The following GATA5 variants were observed in gnomAD, a reference collection of about 807,000 sequenced individuals.
The protein encoded by GATA5 is GATA binding protein 5, also known as transcription factor GATA-5.
Under a neutral mutation model 35.0 loss-of-function variants are expected in GATA5, and 27 were observed. The ratio of observed to expected loss-of-function variants is 0.77; its 90% CI spans 0.57 to 1.06. The LOEUF (loss-of-function observed/expected upper bound fraction) is 1.06, where lower values mean the gene tolerates loss of function less well. Ranked by LOEUF, GATA5 falls within the 50% of genes least tolerant of loss-of-function variation. The pLI, the probability that GATA5 is intolerant of heterozygous loss-of-function variation, is 0.00. For synonymous variants in GATA5, 306 were observed against 267.8 expected (o/e 1.14, Z -1.39); for missense variants, 612 against 580.0 (o/e 1.06, Z -0.57).
In GATA5 at chr20:62,465,476, G is replaced by A. The variant is rs782288238; in HGVS notation, c.914-12C>T. The A allele has an allele frequency of 6.9e-6, 11 of 1,604,156 alleles. No individual in the cohort carries two copies. In the Admixed American group the frequency reaches 1.8e-4, roughly 27 times the overall value. On this transcript the variant is annotated splice_polypyrimidine_tract_variant and intron_variant, in intron 5 of 6. Coordinates refer to ENST00000252997, the MANE Select transcript of GATA5 (RefSeq NM_080473.5). ...ATTCCTTGTGGATCCTGGAAGCGAAGAGGGGGTGTTTACAGAGGGGTCAGG... is the reference window on the plus strand; with the variant it reads ...ATTCCTTGTGGATCCTGGAAGCGAAAAGGGGGTGTTTACAGAGGGGTCAGG...
In GATA5 at chr20:62,463,844, T is replaced by TCCCTGTGGCTGCCTGCCCCGCTCGTCC. The variant is rs1569042809; in HGVS notation, c.*991_*992insGGACGAGCGGGGCAGGCAGCCACAGGG. The TCCCTGTGGCTGCCTGCCCCGCTCGTCC allele has an allele frequency of 6.6e-6, 1 of 152,118 alleles. No individual in the cohort carries two copies. The highest frequency in any genetic ancestry group is 1.5e-5 in the Non-Finnish European group (1 of 68,096). The allele number at this position is 152,118 out of a possible 1,614,324, so 9.4% of individuals were successfully genotyped here. A position where few individuals can be genotyped will look rare whatever the true frequency, so the allele number is the denominator to read the frequency against. Reference sequence around the variant, plus strand: ...CCTGTGGCTGCCTGCCCCGCTCCTCTGCTCCCTGTGGCCTCCTGACATACA... The same window carrying TCCCTGTGGCTGCCTGCCCCGCTCGTCC: ...CCTGTGGCTGCCTGCCCCGCTCCTCTCCCTGTGGCTGCCTGCCCCGCTCGTCCGCTCCCTGTGGCCTCCTGACATACA... On this transcript the variant is annotated 3_prime_UTR_variant, in exon 7 of 7. Coordinates refer to ENST00000252997, the MANE Select transcript of GATA5 (RefSeq NM_080473.5).
At chr20:62,474,873 T>TG (rs1182291208) in intron 2 of GATA5, 126 bp downstream of exon 2, 1 of 767,362 alleles carries the variant, frequency 1.3e-6, no homozygotes, top group Non-Finnish European at 1.8e-6. Flanking sequence ...CCGGGGCTGC[T>TG]GGTGTCGCTC....
At position 62,464,814 on chromosome 20, in the gene GATA5, T is replaced by A. The variant is rs199614743; in HGVS notation, c.*22A>T. On this transcript the variant is annotated 3_prime_UTR_variant, in exon 7 of 7. Coordinates refer to ENST00000252997, the MANE Select transcript of GATA5 (RefSeq NM_080473.5). ...GGTGGTCTGTTCCAGGCTGTTCCCC[T>A]GACATGGGCTGGCCTGGGGACCTAG... The A allele has an allele frequency of 5.8e-6, 9 of 1,564,526 alleles. No individual in the cohort carries two copies. Among genetic ancestry groups the A allele is most frequent in the Non-Finnish European group, 7.8e-6 (9 of 1,153,934 alleles).
chr20:62,466,415 A>G lies in GATA5; in HGVS notation c.825+11T>C. The stretch of plus-strand genomic sequence containing the variant: ...GAGGCCTCCCCGCCCTGCCCCGGGG[A>G]CCACACTCACCCCGTGCAGCTTCAT... On this transcript the variant is annotated intron_variant, in intron 4 of 6. Transcript: ENST00000252997. The G allele has an allele frequency of 2.5e-6, 4 of 1,576,638 alleles. No individual in the cohort carries two copies. The highest frequency in any genetic ancestry group is 3.4e-6 in the Non-Finnish European group (4 of 1,161,672).
chr20:62,472,536 G>A (rs1486214330), intron 3 of GATA5, among the ~76,000 whole-genome samples: 1 of 152,248 alleles, frequency 6.6e-6, no homozygotes, highest in Non-Finnish European at 1.5e-5. Flanking sequence ...AGCGGAGGAG[G>A]ACTTGGTGCC....
chr20:62,472,400 C>T (rs557486711), intron 3 of GATA5, among the ~76,000 whole-genome samples: 191 of 152,296 alleles, frequency 1.3e-3, no homozygotes, highest in African/African-American at 4.3e-3. Context: ...AGAGCTGCAC[C>T]GGCATAGCAC....
intron 4 of GATA5, 64 bp downstream of exon 4, chr20:62,466,362 C>A: frequency 1.3e-6 from 2 of 1,492,454 alleles, no homozygotes; most frequent in Non-Finnish European, 1.8e-6. Flanking sequence ...TCTGAGAGTG[C>A]GGACGGCGCT....
Position 62,475,444 on chromosome 20 carries a change from C to G in GATA5, c.78G>C (p.Pro26=), listed in dbSNP as rs782320503. 1 of 1,355,006 alleles carries G rather than the reference C, an allele frequency of 7.4e-7. No individual in the cohort carries two copies. Among genetic ancestry groups the G allele is most frequent in the South Asian group, 2.0e-5 (1 of 51,234 alleles). The allele number at this position is 1,355,006 out of a possible 1,614,324, so 83.9% of individuals were successfully genotyped here. A position where few individuals can be genotyped will look rare whatever the true frequency, so the allele number is the denominator to read the frequency against. The change falls in exon 2 of 7, where the codon CCG becomes CCC. Residue 26 remains proline, a synonymous_variant. Coordinates refer to ENST00000252997, the MANE Select transcript of GATA5 (RefSeq NM_080473.5). ...YADSGSFLHA[P]GAGSPMFVPP... is the part of the protein sequence containing the mutation. ...GCACAAACATCGGAGAGCCGGCGCC[C>G]GGAGCGTGCAGGAAGGAGCCCGAGT...
chr20:62,473,663 A>T, intron 2 of GATA5, 85 bp from the exon 3 acceptor site: 1 of 1,349,994 alleles, frequency 7.4e-7, no homozygotes, highest in East Asian at 2.5e-5. Context: ...TCCCCTCCCC[A>T]GGAGCCTGGC....
In GATA5 at chr20:62,465,409, T is replaced by C. The variant is rs782031011; in HGVS notation, c.969A>G (p.Ser323=). 3.7e-6 allele frequency: 6 copies of C among 1,607,242 alleles called. No homozygotes were observed. The East Asian group carries it at 1.1e-4, about 30-fold the overall frequency. ...TGGGCTTGGCTTTCGAAGTGGCTGC[T>C]GAGCTGTCAGTGCTGGCGACAGCAG... The part of the protein sequence containing the change: ...SPSAVASTDS[S]AATSKAKPSL... The change falls in exon 6 of 7, where the codon TCA becomes TCG. Residue 323 remains serine (S), a synonymous_variant. Transcript: ENST00000252997.
chr20:62,475,429 C>A lies in GATA5; in HGVS notation c.93G>T (p.Pro31=). 2.2e-6 allele frequency: 3 copies of A among 1,360,156 alleles called. No homozygotes were observed. The South Asian group carries it at 5.6e-5, about 25-fold the overall frequency. 84.3% of individuals were successfully genotyped at this position (1,360,156 alleles called of 1,614,324 possible). The change falls in exon 2 of 7, where the codon CCG becomes CCT. Residue 31 remains proline (P), a synonymous_variant. Coordinates refer to ENST00000252997, the MANE Select transcript of GATA5 (RefSeq NM_080473.5). ...GGACGCGCGCCGGCGGCACAAACATCGGAGAGCCGGCGCCCGGAGCGTGCA... is the reference window on the plus strand; with the variant it reads ...GGACGCGCGCCGGCGGCACAAACATAGGAGAGCCGGCGCCCGGAGCGTGCA... ...SFLHAPGAGS[P]MFVPPARVPS...
At chr20:62,466,117 G>T (rs150398813) in intron 4 of GATA5, among the ~76,000 whole-genome samples, 196 bp from the exon 5 acceptor site, 2 of 152,312 alleles carry the variant, frequency 1.3e-5, no homozygotes, top group African/African-American at 4.8e-5. Context: ...TCCCCCGTCC[G>T]ACAGAGCTGC....
chr20:62,465,494 G>T (rs200927768), intron 5 of GATA5, 30 bp from the exon 6 acceptor site: 2 of 1,592,506 alleles, frequency 1.3e-6, no homozygotes, highest in East Asian at 2.2e-5. Context: ...GTTTACAGAG[G>T]GGTCAGGTGT....
chr20:62,467,472 C>T (rs984745852), intron 3 of GATA5, among the ~76,000 whole-genome samples: 2 of 152,240 alleles, frequency 1.3e-5, no homozygotes, highest in Non-Finnish European at 2.9e-5. Context: ...CACAGCTCTG[C>T]TGGTGGCACC....
At chr20:62,469,305 G>A (rs1555896352) in intron 3 of GATA5, among the ~76,000 whole-genome samples, 2 of 152,238 alleles carry the variant, frequency 1.3e-5, no homozygotes, top group African/African-American at 4.8e-5. Flanking sequence ...GAAATCACAT[G>A]GAACCGTGTG....
chr20:62,469,969 G>A (rs782709169), intron 3 of GATA5, among the ~76,000 whole-genome samples: 7 of 152,148 alleles, frequency 4.6e-5, no homozygotes, highest in Non-Finnish European at 1.0e-4. Context: ...GCCTTCATTT[G>A]TCCCCTCCTC....
chr20:62,467,632 C>T (rs1384854579), intron 3 of GATA5, among the ~76,000 whole-genome samples: 1 of 152,264 alleles, frequency 6.6e-6, no homozygotes, highest in Non-Finnish European at 1.5e-5. Context: ...GCCAGGATCA[C>T]AGTGGTGGCT....
intron 3 of GATA5, among the ~76,000 whole-genome samples, chr20:62,472,631 C>T (rs1261093817): frequency 2.0e-5 from 3 of 152,224 alleles, no homozygotes; most frequent in East Asian, 3.9e-4. Flanking sequence ...GACATCAACA[C>T]CCCAAATCCT....
chr20:62,466,043 A>G, intron 4 of GATA5, 122 bp from the exon 5 acceptor site: 1 of 724,956 alleles, frequency 1.4e-6, no homozygotes, highest in Non-Finnish European at 2.3e-6. Context: ...GTGTCCTCAC[A>G]GCCCTGGTGG....
Sources: allele counts gnomAD v4.1 joint callset (sites outside exome capture counted in the v4.1 genomes callset), GRCh38; gene constraint gnomAD v4.1.1; transcripts MANE v1.5; gene names NCBI Gene and HGNC (gene_info 2026-07-23, HGNC 2026-07-21).